The following ADAMTS2 variants were observed in gnomAD, a reference collection of about 807,000 sequenced individuals.
ADAMTS2 encodes A disintegrin and metalloproteinase with thrombospondin motifs 2.
Under a neutral mutation model 123.0 loss-of-function variants are expected in ADAMTS2, and 50 were observed. That is an observed-to-expected ratio of 0.41 (90% CI 0.32 to 0.51). ADAMTS2 has a LOEUF of 0.51. Among genes scored for constraint, ADAMTS2 ranks in the 20% least tolerant of loss-of-function variants. ADAMTS2 has a pLI of 0.35. For synonymous variants in ADAMTS2, 678 were observed against 695.4 expected (o/e 0.98, Z 0.39); for missense variants, 1,494 against 1,705.2 (o/e 0.88, Z 2.18).
intron 4 of ADAMTS2, among the ~76,000 whole-genome samples, chr5:179,183,850 G>T (rs1764104269): frequency 6.6e-6 from 1 of 152,216 alleles, no homozygotes; most frequent in Admixed American, 6.5e-5. Context: ...ATGAGTTCAT[G>T]GGGGTGGGAC....
At chr5:179,214,040 C>T (rs1764919392) in intron 3 of ADAMTS2, among the ~76,000 whole-genome samples, 1 of 152,222 alleles carries the variant, frequency 6.6e-6, no homozygotes, top group Admixed American at 6.5e-5. Flanking sequence ...AGAAGTTCCA[C>T]ATTTTACCAC....
chr5:179,153,407 TCA>T, intron 9 of ADAMTS2, 82 bp downstream of exon 9: 1 of 1,588,160 alleles, frequency 6.3e-7, no homozygotes, highest in Non-Finnish European at 8.5e-7. Context: ...GGGCCGGTCC[TCA>T]CACTGTCCCG....
chr5:179,189,908 G>A lies in ADAMTS2; in HGVS notation c.892-8753C>T, dbSNP rs1001946275. Among the ~76,000 whole-genome samples, 12 of 151,924 alleles carry A rather than the reference G, an allele frequency of 7.9e-5. No individual in the cohort carries two copies. The highest frequency in any genetic ancestry group is 2.7e-4 in the African/African-American group (11 of 41,326). On this transcript the variant is annotated intron_variant, in intron 4 of 21. Transcript: ENST00000251582. This position sits in a 1 kb window ranked among gnomAD's most constrained non-coding sequence, Gnocchi z 4.2. ...TCACAAGGGCGGGTCCGGCGGGGGC[G>A]GGTGGCAATATCACAAAGTACATTA...
chr5:179,205,517 G>A (rs372960937), intron 4 of ADAMTS2, among the ~76,000 whole-genome samples: 2 of 152,336 alleles, frequency 1.3e-5, no homozygotes, highest in South Asian at 2.1e-4. Context: ...TGGAAAAGGC[G>A]AGGCCTGGAG....
intron 3 of ADAMTS2, among the ~76,000 whole-genome samples, chr5:179,235,470 A>G (rs144112189): frequency 4.4e-4 from 67 of 152,340 alleles, no homozygotes; most frequent in African/African-American, 1.6e-3. Context: ...CCCAGGCTGC[A>G]TGGAAATCAG....
chr5:179,146,512 G>A (rs536479493), intron 10 of ADAMTS2, among the ~76,000 whole-genome samples: 139 of 152,312 alleles, frequency 9.1e-4, no homozygotes, highest in Non-Finnish European at 1.5e-3. Flanking sequence ...GGCAGCGTTC[G>A]CAGCTCCCTG....
At chr5:179,261,494 G>C (rs545686363) in intron 3 of ADAMTS2, among the ~76,000 whole-genome samples, 1 of 152,214 alleles carries the variant, frequency 6.6e-6, no homozygotes, top group African/African-American at 2.4e-5. Flanking sequence ...GCTCGAGCGC[G>C]TCTGGGCTGG....
At chr5:179,298,876 C>A (rs1756419650) in intron 2 of ADAMTS2, among the ~76,000 whole-genome samples, 1 of 152,144 alleles carries the variant, frequency 6.6e-6, no homozygotes, top group South Asian at 2.1e-4. Context: ...ACCTAAAATC[C>A]AACCACTCGG....
chr5:179,259,809 C>T (rs1414109161), intron 3 of ADAMTS2, among the ~76,000 whole-genome samples: 2 of 152,222 alleles, frequency 1.3e-5, no homozygotes, highest in African/African-American at 4.8e-5. Flanking sequence ...ACTGGGCACC[C>T]CCAATTTTGG....
At position 179,183,510 on chromosome 5, in the gene ADAMTS2, G is replaced by A. The variant is rs923690274; in HGVS notation, c.892-2355C>T. Among the ~76,000 whole-genome samples, 4 of 152,238 alleles carry A rather than the reference G, an allele frequency of 2.6e-5. No individual in the cohort carries two copies. In the East Asian group the frequency reaches 7.7e-4, roughly 29 times the overall value. On this transcript the variant is annotated intron_variant, in intron 4 of 21. Transcript: ENST00000251582. ...CTGCCTGGGACCTGAGAGGGGACAGGTTCCTAGCAGTAGGAGTGGCTTCCA... is the reference window on the plus strand; with the variant it reads ...CTGCCTGGGACCTGAGAGGGGACAGATTCCTAGCAGTAGGAGTGGCTTCCA...
At chr5:179,313,195 C>T (rs1014083061) in intron 2 of ADAMTS2, among the ~76,000 whole-genome samples, 2 of 151,796 alleles carry the variant, frequency 1.3e-5, no homozygotes, top group African/African-American at 2.4e-5. Context: ...GGGACGCACA[C>T]GCATTCACAC....
chr5:179,341,364 G>A (rs951273520), intron 2 of ADAMTS2: 39 of 375,758 alleles, frequency 1.0e-4, no homozygotes, highest in African/African-American at 7.3e-4. Flanking sequence ...AAAAAAGGAA[G>A]GAAGGAAGGA....
chr5:179,205,322 T>C (rs1764654368), intron 4 of ADAMTS2, among the ~76,000 whole-genome samples: 1 of 152,234 alleles, frequency 6.6e-6, no homozygotes, highest in South Asian at 2.1e-4. Flanking sequence ...GCCACTGTCA[T>C]GATAACAAAA....
At chr5:179,269,296 G>C (rs796978067) in intron 3 of ADAMTS2, among the ~76,000 whole-genome samples, 20 of 152,288 alleles carry the variant, frequency 1.3e-4, no homozygotes, top group African/African-American at 4.3e-4. Context: ...CTGTGAGAGA[G>C]GCATTTGTAT....
chr5:179,151,792 G>A lies in ADAMTS2; in HGVS notation c.1629+350C>T, dbSNP rs541232851. 7.2e-4 allele frequency among the ~76,000 whole-genome samples: 109 copies of A among 152,252 alleles called. 1 individual carries two copies. Among genetic ancestry groups the A allele is most frequent in the African/African-American group, 2.4e-3 (101 of 41,546 alleles). ...AAAGGTTAAGCCTCATGCTGGGCCC[G>A]AGGACTCCAATGCTGGCCTCCAGGT... is the stretch of plus-strand genomic sequence containing the variant. On this transcript the variant is annotated intron_variant, in intron 10 of 21. Coordinates refer to ENST00000251582, the MANE Select transcript of ADAMTS2 (RefSeq NM_014244.5).
At chr5:179,295,143 A>T (rs1334275056) in intron 2 of ADAMTS2, among the ~76,000 whole-genome samples, 3 of 152,196 alleles carry the variant, frequency 2.0e-5, no homozygotes, top group Admixed American at 6.5e-5. Context: ...GAATAAATAG[A>T]TTCTGGATTA....
chr5:179,303,062 G>A lies in ADAMTS2; in HGVS notation c.535-29998C>T, dbSNP rs1210608138. The stretch of plus-strand genomic sequence containing the variant: ...GACTGCACAGAGCTTCCTCTGCTGT[G>A]GGGAGGAGATTGGATTTTCTCCTCT... On this transcript the variant is annotated intron_variant, in intron 2 of 21. Transcript: ENST00000251582. The surrounding 1 kb of genome is among the most constrained non-coding windows in gnomAD (Gnocchi z 4.7). Among the ~76,000 whole-genome samples, 1 of 151,950 alleles carries A rather than the reference G, an allele frequency of 6.6e-6. No homozygotes were observed. Among genetic ancestry groups the A allele is most frequent in the Admixed American group, 6.6e-5 (1 of 15,266 alleles).
At position 179,111,991 on chromosome 5, in the gene ADAMTS2, T is replaced by C. The variant is rs1762574601; in HGVS notation, c.*1876A>G. ...GCGCAGCACGTGTGGGATGCGGTGG[T>C]GGAGGGCGGGAGGCTAGCCATCACC... On this transcript the variant is annotated 3_prime_UTR_variant, in exon 22 of 22. Transcript: ENST00000251582. 1.3e-5 allele frequency: 2 copies of C among 152,334 alleles called. No homozygotes were observed. Among genetic ancestry groups the C allele is most frequent in the South Asian group, 2.1e-4 (1 of 4,830 alleles). 9.4% of individuals were successfully genotyped at this position (152,334 alleles called of 1,614,324 possible).
chr5:179,199,737 T>C (rs543671764), intron 4 of ADAMTS2, among the ~76,000 whole-genome samples: 23 of 152,272 alleles, frequency 1.5e-4, no homozygotes, highest in African/African-American at 5.3e-4. Flanking sequence ...AGTCTGGCTG[T>C]GCCTGTCATA....
Sources: gnomAD v4.1 joint callset for allele counts (sites outside exome capture counted in the v4.1 genomes callset) on GRCh38, gnomAD v4.1.1 for gene constraint, Gnocchi (gnomAD v3.1) non-coding constraint, MANE v1.5 for transcripts, NCBI Gene and HGNC (gene_info 2026-07-23, HGNC 2026-07-21) for gene names.